The following RORA variants were observed in gnomAD, a reference collection of about 807,000 sequenced individuals.
RORA encodes RAR related orphan receptor A, also known as nuclear receptor ROR-alpha.
Under a neutral mutation model 69.5 loss-of-function variants are expected in RORA, and 7 were observed. The observed-to-expected ratio is 0.10, with a 90% CI of 0.06 to 0.19. RORA has a LOEUF of 0.19. Among genes scored for constraint, RORA ranks in the 10% least tolerant of loss-of-function variants. The probability of loss-of-function intolerance (pLI) is 1.00; values close to 1 mark genes in which losing one functional copy is unlikely to be tolerated. For synonymous variants in RORA, 261 were observed against 240.8 expected (o/e 1.08, Z -0.78); for missense variants, 457 against 663.0 (o/e 0.69, Z 3.41).
intron 1 of RORA, among the ~76,000 whole-genome samples, chr15:60,888,121 T>C (rs2073771767): frequency 6.6e-6 from 1 of 152,232 alleles, no homozygotes; most frequent in South Asian, 2.1e-4. Flanking sequence ...TCTTGCCTCA[T>C]ACATACCCGG....
At chr15:60,867,421 G>C (rs1281920718) in intron 1 of RORA, among the ~76,000 whole-genome samples, 1 of 152,118 alleles carries the variant, frequency 6.6e-6, no homozygotes, top group Non-Finnish European at 1.5e-5. Context: ...TTTAATTGTA[G>C]AACACCCAGT....
intron 1 of RORA, among the ~76,000 whole-genome samples, chr15:60,770,283 G>A (rs916600821): frequency 4.6e-5 from 7 of 151,974 alleles, no homozygotes; most frequent in African/African-American, 1.5e-4. Flanking sequence ...TTCCTATTAT[G>A]TTTTTAATGT....
At chr15:60,663,262 T>A (rs2070331207) in intron 2 of RORA, among the ~76,000 whole-genome samples, 1 of 152,206 alleles carries the variant, frequency 6.6e-6, no homozygotes, top group Non-Finnish European at 1.5e-5. Flanking sequence ...CTTCGTTTAT[T>A]TAAGGATACT....
chr15:60,941,209 T>C (rs1892685962), intron 1 of RORA, among the ~76,000 whole-genome samples: 1 of 152,250 alleles, frequency 6.6e-6, no homozygotes, highest in South Asian at 2.1e-4. Flanking sequence ...CAGTTGCAGT[T>C]CAACCTCTGG....
At chr15:61,178,406 T>G (rs2079650844) in intron 1 of RORA, among the ~76,000 whole-genome samples, 1 of 152,176 alleles carries the variant, frequency 6.6e-6, no homozygotes, top group Non-Finnish European at 1.5e-5. Context: ...TTAAAACATT[T>G]TAAATACATT....
chr15:60,776,725 C>A (rs1278674876), intron 1 of RORA, among the ~76,000 whole-genome samples: 1 of 152,072 alleles, frequency 6.6e-6, no homozygotes, highest in African/African-American at 2.4e-5. Context: ...GTAAAGAGTC[C>A]TTAAATCTTT....
chr15:61,204,180 T>C (rs1205991865), intron 1 of RORA, among the ~76,000 whole-genome samples: 1 of 152,138 alleles, frequency 6.6e-6, no homozygotes, highest in Non-Finnish European at 1.5e-5. Context: ...GGATAGCTTC[T>C]TGGAAGAGGG....
At chr15:61,098,325 T>G (rs2078827630) in intron 1 of RORA, among the ~76,000 whole-genome samples, 1 of 146,594 alleles carries the variant, frequency 6.8e-6, no homozygotes, top group African/African-American at 2.5e-5. Context: ...GTCTCCCTCC[T>G]TCCTTTCTTC....
chr15:61,173,012 G>C (rs777556289), intron 1 of RORA, among the ~76,000 whole-genome samples: 8 of 152,090 alleles, frequency 5.3e-5, no homozygotes, highest in Admixed American at 3.3e-4. Context: ...TTTTCCATGA[G>C]ACAGCTTAAT....
intron 1 of RORA, among the ~76,000 whole-genome samples, chr15:60,723,845 A>T (rs1040548096): frequency 7.2e-5 from 11 of 152,352 alleles, no homozygotes; most frequent in Non-Finnish European, 1.2e-4. Flanking sequence ...AAGGAGGGTG[A>T]GAGAAAGGAA....
At chr15:61,221,060 C>T (rs1324537163) in intron 1 of RORA, among the ~76,000 whole-genome samples, 1 of 152,188 alleles carries the variant, frequency 6.6e-6, no homozygotes, top group African/African-American at 2.4e-5. Context: ...GTTCTCCTTC[C>T]TTCACTCCAC....
intron 2 of RORA, among the ~76,000 whole-genome samples, chr15:60,583,849 CT>C (rs2068258270): frequency 6.6e-6 from 1 of 152,126 alleles, no homozygotes; most frequent in Non-Finnish European, 1.5e-5. Context: ...CTGAGATTCC[CT>C]TTCCTCGTGA....
chr15:60,848,667 CA>C, intron 1 of RORA: 1 of 154,172 alleles, frequency 6.5e-6, no homozygotes, highest in East Asian at 1.9e-4. Context: ...GGGGAGGCCT[CA>C]GGAAACTTAC....
intron 1 of RORA, among the ~76,000 whole-genome samples, chr15:60,701,065 C>A (rs1196804220): frequency 6.6e-6 from 1 of 152,178 alleles, no homozygotes; most frequent in Non-Finnish European, 1.5e-5. Context: ...CTTCTCTGCA[C>A]TTACCATTCT....
chr15:61,063,239 G>C (rs2078211768), intron 1 of RORA, among the ~76,000 whole-genome samples: 1 of 152,074 alleles, frequency 6.6e-6, no homozygotes, highest in Non-Finnish European at 1.5e-5. Flanking sequence ...ACAAATTCAG[G>C]CTCCACAGAA....
Position 60,491,708 on chromosome 15 carries a change from C to G in RORA, c.*5747G>C, listed in dbSNP as rs1363397746. ...TGAGAGCCTGACAACACTGATCTCACCTACACAAACAGACAGACAGACCCA... is the reference window on the plus strand; with the variant it reads ...TGAGAGCCTGACAACACTGATCTCAGCTACACAAACAGACAGACAGACCCA... On this transcript the variant is annotated 3_prime_UTR_variant, in exon 11 of 11. Transcript: ENST00000335670. 6.6e-6 allele frequency: 1 copy of G among 151,716 alleles called. No individual in the cohort carries two copies. The highest frequency in any genetic ancestry group is 2.4e-5 in the African/African-American group (1 of 41,264). The allele number at this position is 151,716 out of a possible 1,614,324, so 9.4% of individuals were successfully genotyped here.
At chr15:61,037,035 G>C (rs1896492478) in intron 1 of RORA, among the ~76,000 whole-genome samples, 1 of 152,172 alleles carries the variant, frequency 6.6e-6, no homozygotes. Context: ...CAACAGGGTA[G>C]ATAGCTTAAG....
At chr15:60,558,162 C>A in intron 2 of RORA, 1 of 1,210,486 alleles carries the variant, frequency 8.3e-7, no homozygotes, top group South Asian at 1.3e-5. Context: ...AAACACAAGA[C>A]TGGGCCACAT....
chr15:60,854,068 C>G (rs1010334728), intron 1 of RORA, among the ~76,000 whole-genome samples: 2 of 152,110 alleles, frequency 1.3e-5, no homozygotes, highest in Admixed American at 1.3e-4. Context: ...TCGAGACCAT[C>G]CTGACCAACA....
Sources: gnomAD v4.1 joint callset for allele counts (sites outside exome capture counted in the v4.1 genomes callset) on GRCh38, gnomAD v4.1.1 for gene constraint, MANE v1.5 for transcripts, NCBI Gene and HGNC (gene_info 2026-07-23, HGNC 2026-07-21) for gene names.